DTNB: variants seen among roughly 807,000 people sequenced by gnomAD.
DTNB encodes DTN-B.
Under a neutral mutation model 90.7 loss-of-function variants are expected in DTNB, and 63 were observed. That is an observed-to-expected ratio of 0.69 (90% CI 0.57 to 0.86). DTNB has a LOEUF of 0.86. Among genes scored for constraint, DTNB ranks in the 40% least tolerant of loss-of-function variants. The probability of loss-of-function intolerance (pLI) is 0.00; values close to 1 mark genes in which losing one functional copy is unlikely to be tolerated. For synonymous variants in DTNB, 277 were observed against 286.7 expected (o/e 0.97, Z 0.34); for missense variants, 744 against 807.1 (o/e 0.92, Z 0.95).
At chr2:25,576,220 T>A (rs2060628983) in intron 8 of DTNB, among the ~76,000 whole-genome samples, 1 of 145,898 alleles carries the variant, frequency 6.9e-6, no homozygotes, top group Admixed American at 6.7e-5. Flanking sequence ...TGAACAGTTT[T>A]GTTTTTTTTT....
chr2:25,588,911 G>T (rs1187669221), intron 6 of DTNB, among the ~76,000 whole-genome samples: 1 of 152,300 alleles, frequency 6.6e-6, no homozygotes, highest in Non-Finnish European at 1.5e-5. Context: ...AAAGTACACA[G>T]TAGCAAAGGG....
At chr2:25,642,602 G>T (rs2078580621) in intron 2 of DTNB, among the ~76,000 whole-genome samples, 1 of 151,758 alleles carries the variant, frequency 6.6e-6, no homozygotes, top group African/African-American at 2.4e-5. Flanking sequence ...TACAGAGATG[G>T]GGTTTCACTA....
chr2:25,400,791 C>T (rs1573875150), intron 16 of DTNB, among the ~76,000 whole-genome samples: 1 of 152,176 alleles, frequency 6.6e-6, no homozygotes, highest in South Asian at 2.1e-4. Context: ...TAACTAAACA[C>T]AATAAATGCC....
intron 10 of DTNB, among the ~76,000 whole-genome samples, chr2:25,480,829 G>T (rs1350241110): frequency 6.6e-6 from 1 of 152,184 alleles, no homozygotes; most frequent in Non-Finnish European, 1.5e-5. Flanking sequence ...TGGAGTCTGG[G>T]TTTGAATGCT....
At chr2:25,597,200 G>A (rs1260848347) in intron 5 of DTNB, among the ~76,000 whole-genome samples, 1 of 152,010 alleles carries the variant, frequency 6.6e-6, no homozygotes, top group African/African-American at 2.4e-5. Context: ...GCATAGTGGT[G>A]TGCACCTGTA....
chr2:25,605,355 G>A (rs2066879275), intron 5 of DTNB, among the ~76,000 whole-genome samples: 1 of 152,078 alleles, frequency 6.6e-6, no homozygotes, highest in African/African-American at 2.4e-5. Flanking sequence ...GTCACCTTTG[G>A]CTTGGCCCGT....
intron 6 of DTNB, among the ~76,000 whole-genome samples, chr2:25,582,053 A>T (rs2061629539): frequency 6.6e-6 from 1 of 152,218 alleles, no homozygotes; most frequent in South Asian, 2.1e-4. Context: ...GGATATAAAA[A>T]ATATAGGTGT....
At chr2:25,638,536 A>G (rs2077563255) in intron 3 of DTNB, among the ~76,000 whole-genome samples, 1 of 152,228 alleles carries the variant, frequency 6.6e-6, no homozygotes, top group South Asian at 2.1e-4. Flanking sequence ...GTATATACAC[A>G]CACAGACATA....
chr2:25,588,697 C>T (rs2062933922), intron 6 of DTNB, among the ~76,000 whole-genome samples: 1 of 152,008 alleles, frequency 6.6e-6, no homozygotes, highest in South Asian at 2.1e-4. Flanking sequence ...ACATGTAGTG[C>T]CAAAAGTGGA....
chr2:25,388,512 T>C (rs947035923), intron 16 of DTNB, 151 bp from the exon 17 acceptor site: 225 of 1,066,992 alleles, frequency 2.1e-4, no homozygotes, highest in Non-Finnish European at 5.4e-5. Context: ...GTTAGGCTGC[T>C]TCCAAGACTG....
At chr2:25,377,603 G>A (rs1356955004) in intron 20 of DTNB, 50 bp from the exon 21 acceptor site, 1 of 152,498 alleles carries the variant, frequency 6.6e-6, no homozygotes, top group East Asian at 1.9e-4. Context: ...GAGGGTTCAG[G>A]ACAAAAGCTG....
At chr2:25,582,563 G>A (rs2061709272) in intron 6 of DTNB, among the ~76,000 whole-genome samples, 1 of 152,148 alleles carries the variant, frequency 6.6e-6, no homozygotes, top group African/African-American at 2.4e-5. Context: ...AAGCCTGCAG[G>A]CCGGCAGGAA....
chr2:25,531,653 T>A, intron 8 of DTNB, 56 bp from the exon 9 acceptor site: 1 of 1,554,170 alleles, frequency 6.4e-7, no homozygotes, highest in Non-Finnish European at 8.6e-7. Flanking sequence ...TGAAAGGAAC[T>A]TCAAAAAAGA....
intron 9 of DTNB, among the ~76,000 whole-genome samples, chr2:25,529,868 G>A (rs1343217895): frequency 1.3e-5 from 2 of 152,170 alleles, no homozygotes; most frequent in African/African-American, 4.8e-5. Context: ...TTATCGAAGA[G>A]AATAGAAACA....
intron 4 of DTNB, among the ~76,000 whole-genome samples, chr2:25,622,523 T>C (rs1435116507): frequency 6.6e-6 from 1 of 152,186 alleles, no homozygotes. Flanking sequence ...CATACCTTTA[T>C]AATGGCCAGA....
At chr2:25,457,916 C>T (rs1246686957) in intron 10 of DTNB, among the ~76,000 whole-genome samples, 1 of 152,130 alleles carries the variant, frequency 6.6e-6, no homozygotes, top group Non-Finnish European at 1.5e-5. Flanking sequence ...TCACTGCAAC[C>T]TCTGCCTCCC....
At chr2:25,530,646 G>T (rs2077993867) in intron 9 of DTNB, among the ~76,000 whole-genome samples, 1 of 151,980 alleles carries the variant, frequency 6.6e-6, no homozygotes, top group African/African-American at 2.4e-5. Context: ...AATATAAACA[G>T]GTATCTAAAT....
intron 8 of DTNB, among the ~76,000 whole-genome samples, chr2:25,554,742 G>A (rs1046633000): frequency 1.1e-4 from 16 of 152,090 alleles, no homozygotes; most frequent in African/African-American, 3.9e-4. Flanking sequence ...GAGATCATTT[G>A]AAAAAGAATG....
Position 25,576,997 on chromosome 2 carries a change from A to T in DTNB, c.717T>A (p.His239Gln). 2 of 1,606,540 alleles carry T rather than the reference A, an allele frequency of 1.2e-6. No individual in the cohort carries two copies. The highest frequency in any genetic ancestry group is 1.7e-6 in the Non-Finnish European group (2 of 1,176,278). Residue 239 changes from histidine to glutamine, a missense_variant, in exon 8 of 21, where the codon CAT (histidine) becomes CAA (glutamine). By Grantham distance (24) the His-to-Gln change is conservative. Transcript: ENST00000406818. ...ATCGGCAGTAGGAGCACTCCACGGG[A>T]TGGAAGACTTGTGGACAGGAGAGAA... ...HRLAHVENVF[H>Q]PVECSYCRCE...
Sources: gnomAD v4.1 joint callset for allele counts (sites outside exome capture counted in the v4.1 genomes callset) on GRCh38, gnomAD v4.1.1 for gene constraint, MANE v1.5 for transcripts, NCBI Gene and HGNC (gene_info 2026-07-23, HGNC 2026-07-21) for gene names.